The following DPH6 variants were observed in gnomAD, a reference collection of about 807,000 sequenced individuals.
DPH6 encodes the protein diphthine--ammonia ligase.
In DPH6, 33 loss-of-function variants were observed where a neutral mutation model predicts 38.2. The observed-to-expected ratio is 0.86, with a 90% CI of 0.65 to 1.15. The LOEUF (loss-of-function observed/expected upper bound fraction) is 1.15. DPH6 is among the 50% of genes most tolerant of loss of function. The probability of loss-of-function intolerance (pLI) is 0.00; values close to 1 mark genes in which losing one functional copy is unlikely to be tolerated. For missense variants in DPH6, 325 were observed against 320.0 expected, an observed-to-expected ratio of 1.02 and a Z score of -0.12; for synonymous variants, 108 against 103.0, an observed-to-expected ratio of 1.05 and a Z score of -0.30.
chr15:35,202,696 G>A, the DPH6 span, among the ~76,000 whole-genome samples: 1 of 151,676 alleles, frequency 6.6e-6, no homozygotes, highest in Non-Finnish European at 1.5e-5. Flanking sequence ...GCATTCTTTT[G>A]TACAGCATCG....
At chr15:35,282,323 T>C (rs2051904485) in intron 3 of DPH6, among the ~76,000 whole-genome samples, 1 of 152,066 alleles carries the variant, frequency 6.6e-6, no homozygotes, top group Admixed American at 6.6e-5. Flanking sequence ...AGTTATGTGC[T>C]GCTACAACTG....
intron 5 of DPH6, among the ~76,000 whole-genome samples, chr15:35,438,175 A>G (rs2053741191): frequency 6.6e-6 from 1 of 152,112 alleles, no homozygotes; most frequent in African/African-American, 2.4e-5. Context: ...TTCTGGAAAA[A>G]GTTTTTTTCT....
intron 3 of DPH6, among the ~76,000 whole-genome samples, chr15:35,480,870 C>T (rs1394408206): frequency 6.6e-6 from 1 of 151,440 alleles, no homozygotes; most frequent in Non-Finnish European, 1.5e-5. Flanking sequence ...ATAAATGAAA[C>T]AGGAATGATA....
At chr15:35,477,988 A>G (rs1730347362) in intron 3 of DPH6, among the ~76,000 whole-genome samples, 1 of 151,936 alleles carries the variant, frequency 6.6e-6, no homozygotes, top group Non-Finnish European at 1.5e-5. Flanking sequence ...TCTTTGCCTG[A>G]TAAACATGAT....
intron 3 of DPH6, among the ~76,000 whole-genome samples, chr15:35,279,838 G>A (rs1404768786): frequency 1.3e-5 from 2 of 152,094 alleles, no homozygotes; most frequent in Admixed American, 6.5e-5. Context: ...ATATGTTGAA[G>A]CCCTAACCCT....
In DPH6 at chr15:35,237,284, T is replaced by C. The variant is rs542136173; in HGVS notation, n.201-16702A>G. 347 of 1,535,866 alleles carry C rather than the reference T, an allele frequency of 2.3e-4. 1 individual carries two copies. In the African/African-American group the frequency reaches 4.3e-3, roughly 19 times the overall value. ...TAAAACGCGCGGCCGTGTTATTGATTGAATTCCAGCGGCGCGGGAGCCTCT... is the reference window on the plus strand; with the variant it reads ...TAAAACGCGCGGCCGTGTTATTGATCGAATTCCAGCGGCGCGGGAGCCTCT... On this transcript the variant is annotated intron_variant and non_coding_transcript_variant, in intron 3 of 3. Transcript: ENST00000560386.
chr15:35,153,217 G>A, the DPH6 span, among the ~76,000 whole-genome samples: 4 of 152,236 alleles, frequency 2.6e-5, no homozygotes, highest in African/African-American at 9.6e-5. Flanking sequence ...TGCTGAGAAT[G>A]TATGGATCAC....
At position 35,346,651 on chromosome 15, in the gene DPH6, C is replaced by T. The variant is rs2052464184; in HGVS notation, n.208-15574G>A. On this transcript the variant is annotated intron_variant and non_coding_transcript_variant, in intron 3 of 3. Transcript: ENST00000558973. ...TATTTTAACCTTTTTATTTCCTTAT[C>T]TGTTTCTTATTGTTAAATTGTTGTT... Among the ~76,000 whole-genome samples, 3 of 151,930 alleles carry T rather than the reference C, an allele frequency of 2.0e-5. No individual in the cohort carries two copies. In the South Asian group the frequency reaches 6.2e-4, roughly 32 times the overall value.
At chr15:35,466,588 A>G (rs1053611785) in intron 3 of DPH6, among the ~76,000 whole-genome samples, 1 of 152,236 alleles carries the variant, frequency 6.6e-6, no homozygotes, top group Non-Finnish European at 1.5e-5. Context: ...TAATAGGACC[A>G]TATTGAAATG....
chr15:35,433,089 A>G (rs2053652426), intron 5 of DPH6, among the ~76,000 whole-genome samples: 1 of 152,248 alleles, frequency 6.6e-6, no homozygotes, highest in African/African-American at 2.4e-5. Context: ...TCACATATAT[A>G]ATTGTGTCAA....
At chr15:35,357,761 GATAGGTTT>G (rs2052577958) in intron 3 of DPH6, among the ~76,000 whole-genome samples, 1 of 152,200 alleles carries the variant, frequency 6.6e-6, no homozygotes, top group African/African-American at 2.4e-5. Context: ...CTGTTAATCT[GATAGGTTT>G]ATAGGTTTAT....
chr15:35,420,572 A>G (rs1213874058), intron 5 of DPH6, among the ~76,000 whole-genome samples: 1 of 152,138 alleles, frequency 6.6e-6, no homozygotes, highest in African/African-American at 2.4e-5. Context: ...GCTGGAGTGC[A>G]GTGGCACGAC....
chr15:35,408,522 G>C (rs775045582), intron 6 of DPH6, among the ~76,000 whole-genome samples: 6 of 151,920 alleles, frequency 3.9e-5, no homozygotes, highest in Non-Finnish European at 8.8e-5. Flanking sequence ...AAAGACTTGG[G>C]AGTCATCAGA....
At chr15:35,409,381 C>T (rs932861993) in intron 6 of DPH6, among the ~76,000 whole-genome samples, 3 of 151,876 alleles carry the variant, frequency 2.0e-5, no homozygotes, top group Admixed American at 6.6e-5. Context: ...GATTGCCAGA[C>T]CAAGTTGAGG....
At chr15:35,237,073 A>C (rs1426844295) in intron 3 of DPH6, 1 of 504,282 alleles carries the variant, frequency 2.0e-6, no homozygotes, top group Non-Finnish European at 3.5e-6. Context: ...GCATGCACAT[A>C]GGCATTGTTT....
chr15:35,339,802 G>T (rs964062817), intron 3 of DPH6, among the ~76,000 whole-genome samples: 1 of 152,044 alleles, frequency 6.6e-6, no homozygotes, highest in Non-Finnish European at 1.5e-5. Flanking sequence ...TTTTACTTCC[G>T]ATTATGTGAT....
At chr15:35,473,957 T>TGCGC (rs1191722971) in intron 3 of DPH6, among the ~76,000 whole-genome samples, 76 of 38,536 alleles carry the variant, frequency 2.0e-3, no homozygotes, top group East Asian at 7.7e-3. Context: ...TGTGTGTGTG[T>TGCGC]GCGCGCGCGC....
chr15:35,392,243 T>C lies in DPH6; in HGVS notation c.568-10327A>G, dbSNP rs1029497677. ...ACTTATTTATATAGATAAATATTCA[T>C]ATTCATGGTAGCTCCATTGGAATAC... On this transcript the variant is annotated intron_variant, in intron 6 of 8. Transcript: ENST00000256538. 3.3e-5 allele frequency among the ~76,000 whole-genome samples: 5 copies of C among 152,346 alleles called. No homozygotes were observed. In the South Asian group the frequency reaches 8.3e-4, roughly 25 times the overall value.
chr15:35,315,240 T>C (rs547436376), intron 3 of DPH6, among the ~76,000 whole-genome samples: 13 of 152,340 alleles, frequency 8.5e-5, no homozygotes, highest in African/African-American at 3.1e-4. Flanking sequence ...CCCACTTCTT[T>C]AAACATCTTG....
Sources: gnomAD v4.1 joint callset for allele counts (sites outside exome capture counted in the v4.1 genomes callset) on GRCh38, gnomAD v4.1.1 for gene constraint, MANE v1.5 for transcripts, NCBI Gene and HGNC (gene_info 2026-07-23, HGNC 2026-07-21) for gene names.